The following MYRFL variants were observed in gnomAD, a reference collection of about 807,000 sequenced individuals.
MYRFL encodes myelin regulatory factor like, also known as myelin regulatory factor-like protein.
Under a neutral mutation model 109.4 loss-of-function variants are expected in MYRFL, and 88 were observed. The ratio of observed to expected loss-of-function variants is 0.80; its 90% CI spans 0.68 to 0.96. The LOEUF is 0.96. Among genes scored for constraint, MYRFL ranks in the 40% least tolerant of loss-of-function variants. The pLI, the probability that MYRFL is intolerant of heterozygous loss-of-function variation, is 0.00. For missense variants in MYRFL, 957 were observed against 954.9 expected (o/e 1.00, Z -0.03); for synonymous variants, 324 against 320.9 (o/e 1.01, Z -0.10).
intron 2 of MYRFL, among the ~76,000 whole-genome samples, 185 bp downstream of exon 2, chr12:69,855,555 A>T (rs1274760733): frequency 6.6e-6 from 1 of 152,188 alleles, no homozygotes; most frequent in African/African-American, 2.4e-5. Context: ...AATTCCAGTC[A>T]TTCCTCACCT....
chr12:69,900,175 C>T (rs1190450328), intron 10 of MYRFL, among the ~76,000 whole-genome samples: 1 of 152,154 alleles, frequency 6.6e-6, no homozygotes. Flanking sequence ...TACTGCTCTG[C>T]AAATCACAGT....
intron 5 of MYRFL, among the ~76,000 whole-genome samples, chr12:69,884,747 A>T (rs1404469076): frequency 6.6e-6 from 1 of 152,238 alleles, no homozygotes; most frequent in Non-Finnish European, 1.5e-5. Context: ...AGTGATAATG[A>T]CAGTGCCACT....
At position 69,934,699 on chromosome 12, in the gene MYRFL, TCCTGAAGTCAGGTTGTCTCTTC is replaced by T. The variant is rs1437778270; in HGVS notation, c.1917-1400_1917-1379del. Among the ~76,000 whole-genome samples, 14 of 152,198 alleles carry T rather than the reference TCCTGAAGTCAGGTTGTCTCTTC, an allele frequency of 9.2e-5. No homozygotes were observed. The East Asian group carries it at 2.3e-3, about 25-fold the overall frequency. On this transcript the variant is annotated intron_variant, in intron 16 of 24. Transcript: ENST00000552032. Reference sequence around the variant, plus strand: ...AGGGACAGAAAGTTCAGGTCGTCTTTCCTGAAGTCAGGTTGTCTCTTCCCTGAAGTCAGGTCATCTCTTCCCC... The same window carrying T: ...AGGGACAGAAAGTTCAGGTCGTCTTTCCTGAAGTCAGGTCATCTCTTCCCC...
intron 2 of MYRFL, among the ~76,000 whole-genome samples, chr12:69,873,463 C>A (rs1368681582): frequency 6.6e-6 from 1 of 152,144 alleles, no homozygotes; most frequent in East Asian, 1.9e-4. Flanking sequence ...TTTGTGGCTT[C>A]TCTTGGGCAT....
In MYRFL at chr12:69,952,669, T is replaced by C; in HGVS notation, c.2288-130T>C. The C allele has an allele frequency of 4.7e-6, 3 of 637,596 alleles. No homozygotes were observed. In the South Asian group the frequency reaches 7.3e-5, roughly 16 times the overall value. The allele number at this position is 637,596 out of a possible 1,614,324, so 39.5% of individuals were successfully genotyped here. A position where few individuals can be genotyped will look rare whatever the true frequency, so the allele number is the denominator to read the frequency against. ...TCCTCCTGTTTGTTTTCCATTTGAATACAAATGGAATCTCTTGACCTGGGA... is the reference window on the plus strand; with the variant it reads ...TCCTCCTGTTTGTTTTCCATTTGAACACAAATGGAATCTCTTGACCTGGGA... On this transcript the variant is annotated intron_variant, in intron 20 of 24. Transcript: ENST00000552032.
In MYRFL at chr12:69,945,986, C is replaced by CAAAAAAAAAAAAAA. The variant is rs56988555; in HGVS notation, c.2225-6112_2225-6099dup. ...TGGGCGACAGAGCGAGACTCCGTCT[C>CAAAAAAAAAAAAAA]AAAAAAAAAAAAAAAAAAAAAAAAA... On this transcript the variant is annotated intron_variant, in intron 19 of 24. Coordinates refer to ENST00000552032, the MANE Select transcript of MYRFL (RefSeq NM_182530.3). Among the ~76,000 whole-genome samples, 4 of 42,340 alleles carry CAAAAAAAAAAAAAA rather than the reference C, an allele frequency of 9.4e-5. 1 individual carries two copies. Among genetic ancestry groups the CAAAAAAAAAAAAAA allele is most frequent in the Non-Finnish European group, 1.6e-4 (4 of 24,330 alleles). 27.8% of individuals were successfully genotyped at this position (42,340 alleles called of 152,430 possible).
chr12:69,864,271 T>C (rs1162946856), intron 2 of MYRFL, among the ~76,000 whole-genome samples: 7 of 149,438 alleles, frequency 4.7e-5, no homozygotes. Context: ...CTTCTAGAAC[T>C]CCAAGAATGC....
intron 11 of MYRFL, among the ~76,000 whole-genome samples, chr12:69,907,409 G>A (rs1398384578): frequency 1.3e-5 from 2 of 152,156 alleles, no homozygotes; most frequent in African/African-American, 2.4e-5. Flanking sequence ...CTACATGAGG[G>A]TACTTTCTCC....
chr12:69,918,131 T>G (rs368758198), intron 13 of MYRFL, among the ~76,000 whole-genome samples: 1 of 152,126 alleles, frequency 6.6e-6, no homozygotes, highest in African/African-American at 2.4e-5. Context: ...AATTAGGAGA[T>G]CTTCATAAAA....
At position 69,895,418 on chromosome 12, in the gene MYRFL, T is replaced by C; in HGVS notation, c.1028T>C (p.Leu343Ser). 1 of 1,535,692 alleles carries C rather than the reference T, an allele frequency of 6.5e-7. No homozygotes were observed. Among genetic ancestry groups the C allele is most frequent in the Non-Finnish European group, 8.7e-7 (1 of 1,146,648 alleles). Residue 343 changes from leucine (L) to serine (S), a missense_variant, in exon 9 of 25, where the codon TTA becomes TCA. Leu to Ser is a moderately radical substitution (Grantham distance 145). Transcript: ENST00000552032. ...GTCACCAAAGTAACACTGGGACGATTACACTTCAGCGAAACCACAGCAAAT... is the reference window on the plus strand; with the variant it reads ...GTCACCAAAGTAACACTGGGACGATCACACTTCAGCGAAACCACAGCAAAT... Reference protein sequence around the residue: ...DQVTKVTLGRLHFSETTANNM... With the variant: ...DQVTKVTLGRSHFSETTANNM...
chr12:69,868,885 C>G (rs1885168536), intron 2 of MYRFL, among the ~76,000 whole-genome samples: 1 of 152,000 alleles, frequency 6.6e-6, no homozygotes, highest in Admixed American at 6.5e-5. Context: ...CACACATGCA[C>G]TCACACACAC....
chr12:69,848,082 T>C (rs1364683651), intron 1 of MYRFL, among the ~76,000 whole-genome samples: 3 of 152,130 alleles, frequency 2.0e-5, no homozygotes. Context: ...CATAGCTTTT[T>C]TTCATGGACA....
intron 8 of MYRFL, among the ~76,000 whole-genome samples, chr12:69,894,830 G>A (rs1490023428): frequency 2.0e-5 from 3 of 152,196 alleles, no homozygotes; most frequent in Non-Finnish European, 4.4e-5. Context: ...TCATGGCCTG[G>A]ACAGTCCAGA....
At chr12:69,916,531 CTT>C (rs1456641756) in intron 13 of MYRFL, among the ~76,000 whole-genome samples, 5 of 152,286 alleles carry the variant, frequency 3.3e-5, no homozygotes, top group South Asian at 2.1e-4. Flanking sequence ...TCTTTATTCT[CTT>C]TATTCTTTCC....
At chr12:69,936,996 A>G (rs1955490115) in intron 19 of MYRFL, among the ~76,000 whole-genome samples, 1 of 152,174 alleles carries the variant, frequency 6.6e-6, no homozygotes, top group Non-Finnish European at 1.5e-5. Context: ...CTCTCTGCCT[A>G]AACTGACTAG....
rs963490721 is a variant in MYRFL, at chr12:69,958,816, G to A, written c.*285G>A. The A allele has an allele frequency of 1.0e-5, 3 of 289,492 alleles. No individual in the cohort carries two copies. Among genetic ancestry groups the A allele is most frequent in the African/African-American group, 6.7e-5 (3 of 44,680 alleles). The allele number at this position is 289,492 out of a possible 1,614,324, so 17.9% of individuals were successfully genotyped here. A position where few individuals can be genotyped will look rare whatever the true frequency, so the allele number is the denominator to read the frequency against. On this transcript the variant is annotated 3_prime_UTR_variant, in exon 25 of 25. Transcript: ENST00000552032. ...GAATTTAAAAATACTATTATTTCTG[G>A]TATTAAGGAAGTTGTGAGCTCAAAA...
intron 19 of MYRFL, among the ~76,000 whole-genome samples, chr12:69,944,114 A>G (rs148976436): frequency 0.097 from 14,613 of 150,784 alleles, 993 homozygotes; most frequent in Middle Eastern, 0.18. Context: ...ACCCTTGTGG[A>G]AGTCAGTGAG....
intron 1 of MYRFL, among the ~76,000 whole-genome samples, chr12:69,832,656 C>CCGT (rs1280993306): frequency 6.6e-5 from 10 of 151,996 alleles, no homozygotes; most frequent in African/African-American, 2.4e-4. Flanking sequence ...AGCAACTGTG[C>CCGT]CGTCACTGAG....
chr12:69,875,879 T>G (rs1283055302), intron 2 of MYRFL, among the ~76,000 whole-genome samples: 1 of 152,210 alleles, frequency 6.6e-6, no homozygotes, highest in East Asian at 1.9e-4. Flanking sequence ...ACCTGGACAT[T>G]GTGAATGGCT....
Sources: allele counts gnomAD v4.1 joint callset (sites outside exome capture counted in the v4.1 genomes callset), GRCh38; gene constraint gnomAD v4.1.1; transcripts MANE v1.5; gene names NCBI Gene and HGNC (gene_info 2026-07-23, HGNC 2026-07-21).